Variants in PDE4DIP observed in about 807,000 individuals in gnomAD.
PDE4DIP encodes myomegalin.
Under a neutral mutation model 221.4 loss-of-function variants are expected in PDE4DIP, and 59 were observed. The ratio of observed to expected loss-of-function variants is 0.27; its 90% CI spans 0.22 to 0.33. PDE4DIP has a LOEUF of 0.33. Among genes scored for constraint, PDE4DIP ranks in the 10% least tolerant of loss-of-function variants. The pLI, the probability that PDE4DIP is intolerant of heterozygous loss-of-function variation, is 1.00. For missense variants in PDE4DIP, 1,036 were observed against 2,154.2 expected, an observed-to-expected ratio of 0.48 and a Z score of 10.28; for synonymous variants, 404 against 815.9, an observed-to-expected ratio of 0.50 and a Z score of 8.60.
At chr1:148,954,019 A>G (rs1475637157) in intron 5 of PDE4DIP, 1 of 698,330 alleles carries the variant, frequency 1.4e-6, no homozygotes, top group Non-Finnish European at 2.5e-6. Context: ...AAAATTAGTC[A>G]TGACCCCATT....
rs587680533 is a variant in PDE4DIP at position 148,998,406 on chromosome 1, T to C, written c.3137+31T>C. ...ACATTCTTCCCAGGGAAGGGGAGCTTGCAGGTCATGAGGCACCACAGCCAA... is the reference window on the plus strand; with the variant it reads ...ACATTCTTCCCAGGGAAGGGGAGCTCGCAGGTCATGAGGCACCACAGCCAA... On this transcript the variant is annotated intron_variant, in intron 23 of 43. Transcript: ENST00000369354. 13 of 1,400,866 alleles carry C rather than the reference T, an allele frequency of 9.3e-6. No homozygotes were observed. In the African/African-American group the frequency reaches 1.7e-4, roughly 18 times the overall value. The allele number at this position is 1,400,866 out of a possible 1,614,324, so 86.8% of individuals were successfully genotyped here.
chr1:148,946,008 C>T (rs1573989270), intron 5 of PDE4DIP, among the ~76,000 whole-genome samples: 1 of 148,720 alleles, frequency 6.7e-6, no homozygotes. Context: ...GAGGTGGGTA[C>T]TTGTTACTCT....
chr1:148,979,688 T>C lies in PDE4DIP; in HGVS notation c.2575-49T>C, dbSNP rs782199891. ...AATGCATTTTCTTGTTTCTTATTCA[T>C]GTCTCACTGTGCCATTTGCGTATTG... On this transcript the variant is annotated intron_variant, in intron 19 of 43. Coordinates refer to ENST00000369354, the Ensembl canonical transcript of PDE4DIP. The C allele has an allele frequency of 5.2e-6, 8 of 1,543,798 alleles. No individual in the cohort carries two copies. The South Asian group carries it at 7.8e-5, about 15-fold the overall frequency.
chr1:148,934,707 G>A (rs374476937), intron 4 of PDE4DIP, among the ~76,000 whole-genome samples: 11 of 151,928 alleles, frequency 7.2e-5, no homozygotes, highest in African/African-American at 2.2e-4. Context: ...AGGTTCAACC[G>A]ATTTTCCTGC....
intron 1 of PDE4DIP, among the ~76,000 whole-genome samples, chr1:148,823,534 A>C (rs1553362889): frequency 1.3e-5 from 2 of 150,516 alleles, no homozygotes; most frequent in African/African-American, 4.9e-5. Context: ...TCACACTCAC[A>C]TCTAACCCTA....
intron 5 of PDE4DIP, among the ~76,000 whole-genome samples, chr1:148,947,979 G>A (rs1553484889): frequency 6.6e-6 from 1 of 151,236 alleles, no homozygotes; most frequent in African/African-American, 2.4e-5. Flanking sequence ...GAAACTCAAG[G>A]GGGTAGGTCC....
rs148777165 is a variant in PDE4DIP at position 149,005,081 on chromosome 1, C to G, written c.4059C>G (p.Val1353=). Residue 1353 remains valine (V), a synonymous_variant, in exon 27 of 44, where the codon GTC becomes GTG. Coordinates refer to ENST00000369354, the Ensembl canonical transcript of PDE4DIP. ...ATGGAAAGTCAGAAAACATCTTGGT[C>G]CTACGAAAGGACATCAAAGATCTGA... 2.0e-5 allele frequency: 33 copies of G among 1,613,546 alleles called. 1 individual carries two copies. The South Asian group carries it at 3.4e-4, about 17-fold the overall frequency.
intron 20 of PDE4DIP, among the ~76,000 whole-genome samples, chr1:148,980,396 A>G (rs1275966230): frequency 6.6e-6 from 1 of 152,204 alleles, no homozygotes; most frequent in Non-Finnish European, 1.5e-5. Flanking sequence ...CGTCTCAAAA[A>G]AAAAGAAAAA....
intron 33 of PDE4DIP, 44 bp downstream of exon 36, chr1:149,016,594 A>T (rs1435060639): frequency 3.4e-6 from 2 of 587,898 alleles, no homozygotes; most frequent in Non-Finnish European, 6.1e-6. Flanking sequence ...AAGAAGTCTC[A>T]TTTGGAGTCT....
At chr1:148,980,581 T>G (rs2060920240) in intron 20 of PDE4DIP, among the ~76,000 whole-genome samples, 1 of 152,216 alleles carries the variant, frequency 6.6e-6, no homozygotes, top group Non-Finnish European at 1.5e-5. Flanking sequence ...TTTTATATTC[T>G]CTTCATTTTT....
At chr1:149,016,704 C>A (rs2070705867) in intron 33 of PDE4DIP, among the ~76,000 whole-genome samples, 154 bp downstream of exon 36, 1 of 151,220 alleles carries the variant, frequency 6.6e-6, no homozygotes, top group Admixed American at 6.6e-5. Flanking sequence ...TCAATCCTTT[C>A]CAAGTACATT....
chr1:149,025,898 C>T (rs2075007011), intron 38 of PDE4DIP: 1 of 152,210 alleles, frequency 6.6e-6, no homozygotes, highest in Non-Finnish European at 1.5e-5. Flanking sequence ...AACCGCCTGA[C>T]CACCAGGCAC....
chr1:149,005,132 G>T (rs1553593200), exon 27 of PDE4DIP: 4 of 1,614,040 alleles, frequency 2.5e-6, no homozygotes, highest in Non-Finnish European at 3.4e-6. Flanking sequence ...ATGCCAACAA[G>T]GTCATTCAAA....
chr1:148,925,908 T>C (rs2046604638), intron 1 of PDE4DIP, among the ~76,000 whole-genome samples: 1 of 151,788 alleles, frequency 6.6e-6, no homozygotes, highest in Non-Finnish European at 1.5e-5. Flanking sequence ...CTTTCTGGCT[T>C]TAGGTTGGTT....
At chr1:148,940,935 G>C (rs1573899057) in intron 5 of PDE4DIP, among the ~76,000 whole-genome samples, 1 of 151,008 alleles carries the variant, frequency 6.6e-6, no homozygotes, top group East Asian at 1.9e-4. Context: ...TCACCCAATG[G>C]AACATTCAAA....
chr1:149,006,529 C>T (rs1553598792), intron 27 of PDE4DIP: 1 of 152,160 alleles, frequency 6.6e-6, no homozygotes, highest in African/African-American at 2.4e-5. Context: ...ATGAAAGGTT[C>T]TATCTAGACT....
chr1:148,978,058 T>C lies in PDE4DIP; in HGVS notation c.2436+5T>C. 1 of 1,611,048 alleles carries C rather than the reference T, an allele frequency of 6.2e-7. No homozygotes were observed. Among genetic ancestry groups the C allele is most frequent in the African/African-American group, 1.3e-5 (1 of 74,862 alleles). ...ATTAAAGAAGATCTCATAAAGGTCT[T>C]TCAAAACTTTTTAAAGACCACTGGA... On this transcript the variant is annotated splice_donor_5th_base_variant and intron_variant, in intron 18 of 43. Transcript: ENST00000369354.
intron 1 of PDE4DIP, among the ~76,000 whole-genome samples, chr1:148,858,329 G>T (rs1271905934): frequency 1.2e-4 from 9 of 73,770 alleles, no homozygotes; most frequent in African/African-American, 5.0e-4. Flanking sequence ...AGCAATGAAG[G>T]CCCAGGTTTT....
chr1:148,937,444 C>A (rs1407312814), intron 4 of PDE4DIP, among the ~76,000 whole-genome samples: 1 of 152,116 alleles, frequency 6.6e-6, no homozygotes, highest in Non-Finnish European at 1.5e-5. Flanking sequence ...CCACTACCAC[C>A]ACCACCAAAA....
Sources: gnomAD v4.1 joint callset for allele counts (sites outside exome capture counted in the v4.1 genomes callset) on GRCh38, gnomAD v4.1.1 for gene constraint, MANE v1.5 for transcripts, NCBI Gene and HGNC (gene_info 2026-07-23, HGNC 2026-07-21) for gene names.